The following ZNF461 variants were observed in gnomAD, a reference collection of about 807,000 sequenced individuals.
ZNF461 encodes the protein zinc finger protein 461, also known as gonadotropin-inducible ovarian transcription factor-1.
Under a neutral mutation model 18.3 loss-of-function variants are expected in ZNF461, and 16 were observed. That is an observed-to-expected ratio of 0.88 (90% confidence interval 0.59 to 1.33). ZNF461 has a LOEUF of 1.33. Among genes scored for constraint, ZNF461 ranks in the 40% most tolerant of loss-of-function variants. ZNF461 has a pLI of 0.00. For synonymous variants in ZNF461, 179 were observed against 216.9 expected (o/e 0.83, Z 1.54); for missense variants, 595 against 669.9 (o/e 0.89, Z 1.23).
intron 4 of ZNF461, among the ~76,000 whole-genome samples, chr19:36,646,197 C>A (rs1448884901): frequency 6.6e-6 from 1 of 151,924 alleles, no homozygotes; most frequent in African/African-American, 2.4e-5. Flanking sequence ...ATGGTGTGAT[C>A]TCAGCTCACT....
At chr19:36,644,715 C>T (rs760853856) in intron 4 of ZNF461, among the ~76,000 whole-genome samples, 7 of 152,006 alleles carry the variant, frequency 4.6e-5, no homozygotes, top group Non-Finnish European at 8.8e-5. Flanking sequence ...CTGCCTCAGC[C>T]TCCCAAGTAG....
intron 4 of ZNF461, among the ~76,000 whole-genome samples, chr19:36,654,016 A>AT (rs1330523312): frequency 2.0e-5 from 3 of 152,134 alleles, no homozygotes; most frequent in Admixed American, 1.3e-4. Flanking sequence ...AGCAATGTCA[A>AT]TTTTTTGGTA....
chr19:36,642,682 CT>C (rs577387236), intron 5 of ZNF461, among the ~76,000 whole-genome samples: 406 of 90,736 alleles, frequency 4.5e-3, no homozygotes, highest in Admixed American at 6.0e-3. Context: ...AGTTAGACTT[CT>C]TTTTTTTTTT....
In ZNF461 at chr19:36,639,427, A is replaced by G. The variant is rs2037375146; in HGVS notation, c.918T>C (p.Cys306=). ...GTGATCGCTGTCTAAAGGCCTTCCCACATTCTTTACATTCATAAGGTTTCT... is the reference window on the plus strand; with the variant it reads ...GTGATCGCTGTCTAAAGGCCTTCCCGCATTCTTTACATTCATAAGGTTTCT... ...TGEKPYECKE[C]GKAFRQRSQL... Residue 306 remains cysteine, a synonymous_variant, in exon 6 of 6, where the codon TGT becomes TGC. Transcript: ENST00000588268. 1.9e-6 allele frequency: 3 copies of G among 1,613,994 alleles called. No individual in the cohort carries two copies. Among genetic ancestry groups the G allele is most frequent in the South Asian group, 2.2e-5 (2 of 91,072 alleles).
chr19:36,646,129 G>C (rs1388777667), intron 4 of ZNF461, among the ~76,000 whole-genome samples: 4 of 147,702 alleles, frequency 2.7e-5, no homozygotes, highest in Non-Finnish European at 6.0e-5. Flanking sequence ...TATTGTTGTT[G>C]TTGTTATTGT....
At position 36,637,231 on chromosome 19, in the gene ZNF461, G is replaced by C. The variant is rs2037310672; in HGVS notation, c.*1422C>G. ...TTTCTTTTTGAGACAGAGTCTCACTGTGTTGCCCACGCTGGAGTGCAGTGG... is the reference window on the plus strand; with the variant it reads ...TTTCTTTTTGAGACAGAGTCTCACTCTGTTGCCCACGCTGGAGTGCAGTGG... On this transcript the variant is annotated 3_prime_UTR_variant, in exon 6 of 6. Coordinates refer to ENST00000588268, the MANE Select transcript of ZNF461 (RefSeq NM_153257.5). The C allele has an allele frequency of 6.7e-6, 1 of 149,756 alleles. No individual in the cohort carries two copies. The highest frequency in any genetic ancestry group is 2.5e-5 in the African/African-American group (1 of 40,570). 9.3% of individuals were successfully genotyped at this position (149,756 alleles called of 1,614,324 possible). A position where few individuals can be genotyped will look rare whatever the true frequency, so the allele number is the denominator to read the frequency against.
At chr19:36,642,579 C>G (rs925871215) in intron 5 of ZNF461, among the ~76,000 whole-genome samples, 1 of 152,014 alleles carries the variant, frequency 6.6e-6, no homozygotes, top group Non-Finnish European at 1.5e-5. Context: ...CAGGCACAAG[C>G]TGTCTACTTT....
chr19:36,660,921 A>G (rs1199150126), intron 2 of ZNF461, among the ~76,000 whole-genome samples: 1 of 152,168 alleles, frequency 6.6e-6, no homozygotes, highest in Non-Finnish European at 1.5e-5. Flanking sequence ...TCAACTAAAG[A>G]AAGAAATATA....
intron 4 of ZNF461, among the ~76,000 whole-genome samples, chr19:36,654,659 A>C (rs2037685801): frequency 6.6e-6 from 1 of 152,014 alleles, no homozygotes. Flanking sequence ...GGCATGAGCC[A>C]CCATGTTCAG....
chr19:36,664,237 C>T (rs182971378), intron 2 of ZNF461, among the ~76,000 whole-genome samples: 3 of 152,158 alleles, frequency 2.0e-5, no homozygotes, highest in East Asian at 1.9e-4. Flanking sequence ...ATTCTGGCAC[C>T]GTCACTTACT....
chr19:36,651,059 G>A (rs967188021), intron 4 of ZNF461, among the ~76,000 whole-genome samples: 4 of 151,182 alleles, frequency 2.6e-5, no homozygotes, highest in South Asian at 2.1e-4. Context: ...GTGAAACCCC[G>A]TCTCAACTAA....
intron 4 of ZNF461, among the ~76,000 whole-genome samples, chr19:36,654,065 G>C (rs1342666893): frequency 3.3e-5 from 5 of 152,016 alleles, no homozygotes; most frequent in Non-Finnish European, 7.4e-5. Context: ...TTAACCCTGG[G>C]GGAAGCTGCA....
At chr19:36,658,870 T>G (rs1021341712) in intron 2 of ZNF461, among the ~76,000 whole-genome samples, 1 of 152,192 alleles carries the variant, frequency 6.6e-6, no homozygotes, top group Non-Finnish European at 1.5e-5. Context: ...GCAGACTATA[T>G]TTTCCATAGA....
At position 36,658,428 on chromosome 19, in the gene ZNF461, A is replaced by C. The variant is rs1375036481; in HGVS notation, c.10-3T>G. The C allele has an allele frequency of 2.5e-6, 4 of 1,598,352 alleles. No homozygotes were observed. The highest frequency in any genetic ancestry group is 3.4e-6 in the Non-Finnish European group (4 of 1,173,538). On this transcript the variant is annotated splice_polypyrimidine_tract_variant and splice_region_variant and intron_variant, in intron 2 of 5. Transcript: ENST00000588268. ...ACATCTCTGAACATCACCAACTCCT[A>C]AAATGACAAATAATAGTACTATTTT...
At chr19:36,663,155 C>T (rs1428164547) in intron 2 of ZNF461, among the ~76,000 whole-genome samples, 2 of 152,092 alleles carry the variant, frequency 1.3e-5, no homozygotes, top group Non-Finnish European at 2.9e-5. Flanking sequence ...TGTGATGTGG[C>T]CTGAATCTTA....
At chr19:36,662,177 G>A (rs1014344623) in intron 2 of ZNF461, among the ~76,000 whole-genome samples, 18 of 151,838 alleles carry the variant, frequency 1.2e-4, no homozygotes, top group African/African-American at 4.1e-4. Context: ...CTATTTCCAT[G>A]TATTTCTAAT....
chr19:36,645,711 CA>C (rs1464332928), intron 4 of ZNF461, among the ~76,000 whole-genome samples: 3 of 152,120 alleles, frequency 2.0e-5, no homozygotes, highest in Admixed American at 6.6e-5. Context: ...TACAGTACTG[CA>C]AACTAGAGTC....
Position 36,656,509 on chromosome 19 carries a change from T to G in ZNF461, c.171A>C (p.Ser57=). The G allele has an allele frequency of 6.2e-7, 1 of 1,614,060 alleles. No individual in the cohort carries two copies. Among genetic ancestry groups the G allele is most frequent in the Non-Finnish European group, 8.5e-7 (1 of 1,180,002 alleles). Residue 57 remains serine, a synonymous_variant, in exon 4 of 6, where the codon TCA becomes TCC. Transcript: ENST00000588268. ...LSVSKPAVIS[S]LEQGKEPWMV... is the part of the protein sequence containing the mutation. ...TCCAGGGCTCCTTCCCTTGCTCCAA[T>G]GAGGAGATTACGGCTGGCTTAGAAA...
chr19:36,651,463 AG>A (rs1022959034), intron 4 of ZNF461, among the ~76,000 whole-genome samples: 187 of 152,204 alleles, frequency 1.2e-3, no homozygotes, highest in African/African-American at 4.3e-3. Flanking sequence ...TTTGTTTATA[AG>A]TAGGAATCTC....
Sources: allele counts gnomAD v4.1 joint callset (sites outside exome capture counted in the v4.1 genomes callset), GRCh38; gene constraint gnomAD v4.1.1; transcripts MANE v1.5; gene names NCBI Gene and HGNC (gene_info 2026-07-23, HGNC 2026-07-21).